Variants in GALNT13 observed in about 807,000 individuals in gnomAD.
GALNT13 encodes the protein polypeptide N-acetylgalactosaminyltransferase 13.
A neutral mutation model predicts 64.2 loss-of-function variants in GALNT13; 28 were observed. The observed-to-expected ratio is 0.44, with a 90% CI of 0.32 to 0.60. The LOEUF (loss-of-function observed/expected upper bound fraction) is 0.60, where lower values mean the gene tolerates loss of function less well. GALNT13 is among the 20% of genes least tolerant of loss of function. The pLI is 0.05. For missense variants in GALNT13, 577 were observed against 669.8 expected (o/e 0.86, Z 1.53); for synonymous variants, 214 against 224.6 (o/e 0.95, Z 0.42).
At chr2:153,324,514 G>A in the GALNT13 span, among the ~76,000 whole-genome samples, 1 of 152,160 alleles carries the variant, frequency 6.6e-6, no homozygotes, top group South Asian at 2.1e-4. Flanking sequence ...GCCCTGGCCA[G>A]AACTTCCAAT....
chr2:154,378,681 C>T (rs1213007700), intron 9 of GALNT13, among the ~76,000 whole-genome samples: 1 of 151,968 alleles, frequency 6.6e-6, no homozygotes, highest in African/African-American at 2.4e-5. Flanking sequence ...TCTCTGGTAT[C>T]GACTCTTCGG....
At chr2:153,993,652 T>C (rs1473320) in intron 3 of GALNT13, among the ~76,000 whole-genome samples, 112,039 of 146,258 alleles carry the variant, frequency 0.77, 43,239 homozygotes, top group East Asian at 0.96. Flanking sequence ...GCCGAGATCG[T>C]GCCACTGTAC....
chr2:153,132,648 C>G, the GALNT13 span, among the ~76,000 whole-genome samples: 1 of 152,152 alleles, frequency 6.6e-6, no homozygotes, highest in South Asian at 2.1e-4. Flanking sequence ...ATTTCTGTAG[C>G]AAGCCAAGCA....
chr2:153,579,299 A>G, the GALNT13 span, among the ~76,000 whole-genome samples: 2 of 152,022 alleles, frequency 1.3e-5, no homozygotes, highest in Non-Finnish European at 2.9e-5. Flanking sequence ...TCTAATATGT[A>G]TTCCAAATTT....
At chr2:154,315,473 G>T (rs1002276171) in intron 9 of GALNT13, among the ~76,000 whole-genome samples, 4 of 152,122 alleles carry the variant, frequency 2.6e-5, no homozygotes, top group African/African-American at 9.7e-5. Flanking sequence ...TAAGCCTTCT[G>T]CCTGATTTTA....
At position 154,453,856 on chromosome 2, in the gene GALNT13, C is replaced by G. The variant is rs1486602205; in HGVS notation, c.*3305C>G. ...TAGACAGGATTTCCAAAAACTTTGT[C>G]TTCAAATTTTAATTTTCTTCCTAAT... On this transcript the variant is annotated 3_prime_UTR_variant, in exon 13 of 13. Transcript: ENST00000392825. 3 of 152,010 alleles carry G rather than the reference C, an allele frequency of 2.0e-5. No individual in the cohort carries two copies. Among genetic ancestry groups the G allele is most frequent in the African/African-American group, 4.8e-5 (2 of 41,410 alleles). The allele number at this position is 152,010 out of a possible 1,614,324, so 9.4% of individuals were successfully genotyped here.
the GALNT13 span, chr2:153,478,482 G>C: frequency 6.2e-7 from 1 of 1,613,110 alleles, no homozygotes; most frequent in Admixed American, 1.7e-5. Context: ...GGGTGCAGCA[G>C]CGCACGGCTC....
rs976025 is a variant in GALNT13 at position 153,980,303 on chromosome 2, A to G, written c.142+35664A>G. 2.0e-5 allele frequency among the ~76,000 whole-genome samples: 3 copies of G among 152,310 alleles called. No homozygotes were observed. In the East Asian group the frequency reaches 5.8e-4, roughly 29 times the overall value. On this transcript the variant is annotated intron_variant, in intron 3 of 12. Coordinates refer to ENST00000392825, the MANE Select transcript of GALNT13 (RefSeq NM_052917.4). ...CCTTAAACACTAGGGTCAGATATGC[A>G]CTAAAAAGGATTACTAATTGCTATG...
chr2:153,068,300 G>C, the GALNT13 span, among the ~76,000 whole-genome samples: 1 of 152,178 alleles, frequency 6.6e-6, no homozygotes, highest in Admixed American at 6.5e-5. Flanking sequence ...TTCACAGGGA[G>C]TGCTTTTCAC....
intron 11 of GALNT13, among the ~76,000 whole-genome samples, chr2:154,434,464 T>C (rs2105456681): frequency 6.6e-6 from 1 of 152,314 alleles, no homozygotes; most frequent in Admixed American, 6.5e-5. Context: ...TTTCACCGTG[T>C]TAGCCAGGAT....
chr2:154,154,862 G>A (rs1684305607), intron 4 of GALNT13, among the ~76,000 whole-genome samples: 1 of 151,766 alleles, frequency 6.6e-6, no homozygotes, highest in South Asian at 2.1e-4. Context: ...AGATATAAGG[G>A]AAGTCAAAAT....
the GALNT13 span, among the ~76,000 whole-genome samples, chr2:153,540,959 A>G: frequency 1.3e-5 from 2 of 152,108 alleles, no homozygotes; most frequent in Admixed American, 1.3e-4. Context: ...TGTTGGTATG[A>G]GCTAAGACTT....
At chr2:154,333,453 T>G (rs1695276091) in intron 9 of GALNT13, among the ~76,000 whole-genome samples, 1 of 152,070 alleles carries the variant, frequency 6.6e-6, no homozygotes, top group Admixed American at 6.6e-5. Flanking sequence ...TCTAGAAAGC[T>G]TTATTCTTTG....
At chr2:153,917,220 C>T (rs1425358491) in intron 2 of GALNT13, among the ~76,000 whole-genome samples, 2 of 151,870 alleles carry the variant, frequency 1.3e-5, no homozygotes, top group Non-Finnish European at 2.9e-5. Flanking sequence ...ATATTGCCAT[C>T]ATCTTTAAAA....
At chr2:153,951,062 A>T (rs974982637) in intron 3 of GALNT13, among the ~76,000 whole-genome samples, 1 of 152,148 alleles carries the variant, frequency 6.6e-6, no homozygotes, top group Non-Finnish European at 1.5e-5. Context: ...ACAAAAGCCA[A>T]AAAAGACTAA....
At chr2:154,280,756 G>A (rs540992809) in intron 8 of GALNT13, among the ~76,000 whole-genome samples, 11 of 152,284 alleles carry the variant, frequency 7.2e-5, no homozygotes, top group South Asian at 4.1e-4. Flanking sequence ...GCAGCGTCAC[G>A]CAGCTGTCAT....
the GALNT13 span, among the ~76,000 whole-genome samples, chr2:153,491,981 C>A: frequency 1.4e-4 from 21 of 151,792 alleles, no homozygotes; most frequent in African/African-American, 4.8e-4. Flanking sequence ...AAATACAGAG[C>A]CAAGGAAACT....
intron 8 of GALNT13, among the ~76,000 whole-genome samples, chr2:154,266,016 T>A (rs1418854233): frequency 6.6e-6 from 1 of 152,104 alleles, no homozygotes; most frequent in Non-Finnish European, 1.5e-5. Context: ...AATTGATTGG[T>A]CATCTGAATA....
At chr2:153,886,477 G>T (rs1456233069) in intron 1 of GALNT13, among the ~76,000 whole-genome samples, 1 of 151,432 alleles carries the variant, frequency 6.6e-6, no homozygotes, top group African/African-American at 2.4e-5. Context: ...ATGAGTTCAT[G>T]TCCTTTGTAG....
Sources: allele counts gnomAD v4.1 joint callset (sites outside exome capture counted in the v4.1 genomes callset), GRCh38; gene constraint gnomAD v4.1.1; transcripts MANE v1.5; gene names NCBI Gene and HGNC (gene_info 2026-07-23, HGNC 2026-07-21).